Variants in DLG2 observed in about 807,000 individuals in gnomAD.
The protein encoded by DLG2 is disks large homolog 2.
Under a neutral mutation model 132.5 loss-of-function variants are expected in DLG2, and 45 were observed. The ratio of observed to expected loss-of-function variants is 0.34; its 90% CI spans 0.27 to 0.44. DLG2 has a LOEUF of 0.44. DLG2 is among the 20% of genes least tolerant of loss of function. The pLI, the probability that DLG2 is intolerant of heterozygous loss-of-function variation, is 1.00. For missense variants in DLG2, 1,045 were observed against 1,196.9 expected (o/e 0.87, Z 1.87); for synonymous variants, 424 against 419.6 (o/e 1.01, Z -0.13).
At chr11:83,678,526 A>G (rs1566491785) in intron 18 of DLG2, among the ~76,000 whole-genome samples, 1 of 152,092 alleles carries the variant, frequency 6.6e-6, no homozygotes, top group Non-Finnish European at 1.5e-5. Flanking sequence ...CCCTTGCCCT[A>G]TTTCCTACCC....
At chr11:84,034,247 T>G (rs1294631008) in intron 11 of DLG2, among the ~76,000 whole-genome samples, 1 of 152,148 alleles carries the variant, frequency 6.6e-6, no homozygotes, top group Non-Finnish European at 1.5e-5. Flanking sequence ...ATTGACTCAC[T>G]GAAGGTTCAG....
intron 3 of DLG2, among the ~76,000 whole-genome samples, chr11:85,428,521 A>G (rs1489881284): frequency 5.3e-5 from 8 of 152,260 alleles, no homozygotes; most frequent in African/African-American, 9.6e-5. Flanking sequence ...CTGCTCCTGT[A>G]TGACTACTGG....
intron 7 of DLG2, among the ~76,000 whole-genome samples, chr11:84,376,171 A>ATC (rs966978399): frequency 1.3e-5 from 2 of 151,668 alleles, no homozygotes; most frequent in Admixed American, 6.6e-5. Flanking sequence ...AGCTTTAATT[A>ATC]TCTCTCTCTC....
chr11:85,060,319 ACATAAG>A (rs1044623979), intron 6 of DLG2, among the ~76,000 whole-genome samples: 2 of 150,648 alleles, frequency 1.3e-5, no homozygotes, highest in Non-Finnish European at 3.0e-5. Flanking sequence ...ATAATATATA[ACATAAG>A]CATATTATAT....
intron 19 of DLG2, among the ~76,000 whole-genome samples, chr11:83,543,776 C>T (rs2096155653): frequency 6.6e-6 from 1 of 152,062 alleles, no homozygotes; most frequent in South Asian, 2.1e-4. Context: ...GAGGCTAATA[C>T]AAATCTTTTC....
At chr11:83,479,609 A>G (rs1305176494) in intron 22 of DLG2, among the ~76,000 whole-genome samples, 1 of 152,080 alleles carries the variant, frequency 6.6e-6, no homozygotes, top group Non-Finnish European at 1.5e-5. Flanking sequence ...GGTGGTAAAA[A>G]ACCATGAGGA....
intron 3 of DLG2, among the ~76,000 whole-genome samples, chr11:85,292,276 C>T (rs1014762217): frequency 3.9e-5 from 6 of 152,026 alleles, no homozygotes; most frequent in African/African-American, 1.4e-4. Context: ...GTGTGGTAAA[C>T]GTCCTATCTT....
chr11:84,036,571 A>T (rs1271847289), intron 11 of DLG2, among the ~76,000 whole-genome samples: 2 of 152,182 alleles, frequency 1.3e-5, no homozygotes, highest in Non-Finnish European at 2.9e-5. Flanking sequence ...ATTTTCCATG[A>T]TACCATTTCT....
intron 18 of DLG2, among the ~76,000 whole-genome samples, chr11:83,748,858 G>A (rs1188978557): frequency 6.6e-6 from 1 of 152,164 alleles, no homozygotes; most frequent in Non-Finnish European, 1.5e-5. Flanking sequence ...CAGAAAAGCA[G>A]AAGTAGCAAT....
intron 6 of DLG2, among the ~76,000 whole-genome samples, chr11:84,756,406 C>T (rs2066880481): frequency 1.3e-5 from 2 of 152,096 alleles, no homozygotes; most frequent in African/African-American, 4.8e-5. Flanking sequence ...TTCAAGAGCA[C>T]GAATACACTC....
chr11:84,599,877 C>CA (rs1012791327), intron 6 of DLG2, among the ~76,000 whole-genome samples: 24 of 151,708 alleles, frequency 1.6e-4, no homozygotes, highest in African/African-American at 4.6e-4. Flanking sequence ...ACAAATGGTA[C>CA]AAAAATTAGC....
intron 7 of DLG2, among the ~76,000 whole-genome samples, chr11:84,414,827 T>C (rs1265889566): frequency 6.6e-6 from 1 of 152,218 alleles, no homozygotes; most frequent in Non-Finnish European, 1.5e-5. Flanking sequence ...TATTTTATTA[T>C]GCATAGCAAA....
chr11:84,490,746 T>C (rs903334571), intron 7 of DLG2, among the ~76,000 whole-genome samples: 2 of 151,582 alleles, frequency 1.3e-5, no homozygotes, highest in Non-Finnish European at 2.9e-5. Flanking sequence ...AAGAAACATA[T>C]GAACCTATGA....
chr11:85,102,140 C>G (rs962090049), intron 6 of DLG2, among the ~76,000 whole-genome samples: 13 of 152,006 alleles, frequency 8.6e-5, no homozygotes, highest in Non-Finnish European at 1.9e-4. Context: ...ATTTTTACAG[C>G]TAACTCAGGA....
At chr11:84,881,113 CA>C (rs2087258985) in intron 6 of DLG2, among the ~76,000 whole-genome samples, 1 of 151,974 alleles carries the variant, frequency 6.6e-6, no homozygotes, top group South Asian at 2.1e-4. Flanking sequence ...ACTAACCTAC[CA>C]GTGTTGGAAT....
intron 7 of DLG2, among the ~76,000 whole-genome samples, chr11:84,323,707 GCTTT>G (rs975671362): frequency 7.2e-5 from 10 of 138,230 alleles, no homozygotes; most frequent in African/African-American, 2.7e-4. Flanking sequence ...CATTTTTTTT[GCTTT>G]CTTTTTTCCT....
chr11:85,592,511 T>A (rs1243333316), intron 3 of DLG2, among the ~76,000 whole-genome samples: 1 of 152,214 alleles, frequency 6.6e-6, no homozygotes, highest in Non-Finnish European at 1.5e-5. Flanking sequence ...AACATATCAA[T>A]GTAGCTTTAT....
At chr11:85,315,568 C>T (rs1018078168) in intron 3 of DLG2, among the ~76,000 whole-genome samples, 10 of 151,982 alleles carry the variant, frequency 6.6e-5, no homozygotes, top group African/African-American at 2.4e-4. Flanking sequence ...ACACTGATAT[C>T]GAACATCTTC....
intron 4 of DLG2, among the ~76,000 whole-genome samples, chr11:85,201,391 T>C (rs1316295497): frequency 2.6e-4 from 40 of 152,132 alleles, no homozygotes; most frequent in Admixed American, 2.4e-3. Context: ...GGAGCCTACA[T>C]GTAGACCACC....
Sources: gnomAD v4.1 joint callset for allele counts (sites outside exome capture counted in the v4.1 genomes callset) on GRCh38, gnomAD v4.1.1 for gene constraint, MANE v1.5 for transcripts, NCBI Gene and HGNC (gene_info 2026-07-23, HGNC 2026-07-21) for gene names.